Variants in ADARB1 observed in about 807,000 individuals in gnomAD.
ADARB1 encodes adenosine deaminase RNA specific B1, also known as double-stranded RNA-specific editase 1.
In ADARB1, 10 loss-of-function variants were observed where a neutral mutation model predicts 52.4. The ratio of observed to expected loss-of-function variants is 0.19; its 90% CI spans 0.12 to 0.32. ADARB1 has a LOEUF of 0.32. Among genes scored for constraint, ADARB1 ranks in the 10% least tolerant of loss-of-function variants. The pLI is 1.00. For synonymous variants in ADARB1, 349 were observed against 371.1 expected (o/e 0.94, Z 0.68); for missense variants, 643 against 922.3 (o/e 0.70, Z 3.92).
At chr21:45,168,902 G>A (rs28782181) in intron 2 of ADARB1, among the ~76,000 whole-genome samples, 47,692 of 152,078 alleles carry the variant, frequency 0.31, 7,994 homozygotes, top group Admixed American at 0.37. Flanking sequence ...CTGATTATAT[G>A]ATATTATGAG....
chr21:45,125,660 G>A (rs1398899757), intron 1 of ADARB1, among the ~76,000 whole-genome samples: 1 of 152,250 alleles, frequency 6.6e-6, no homozygotes, highest in Non-Finnish European at 1.5e-5. Flanking sequence ...GTGGCCATCA[G>A]GCCTTCCTGC....
intron 1 of ADARB1, among the ~76,000 whole-genome samples, chr21:45,113,163 G>A (rs2087623698): frequency 6.6e-6 from 1 of 152,120 alleles, no homozygotes; most frequent in Non-Finnish European, 1.5e-5. Context: ...GGTGGCTCAC[G>A]CCTGTAATTC....
intron 1 of ADARB1, among the ~76,000 whole-genome samples, chr21:45,082,206 C>G (rs2086181097): frequency 6.6e-6 from 1 of 152,194 alleles, no homozygotes; most frequent in African/African-American, 2.4e-5. Context: ...GTCTGCAAAG[C>G]AGTTGTCATC....
In ADARB1 at chr21:45,143,001, G is replaced by C. The variant is rs550172053; in HGVS notation, c.-48+14428G>C. Among the ~76,000 whole-genome samples the C allele has an allele frequency of 1.2e-4, 19 of 152,320 alleles. No homozygotes were observed. The South Asian group carries it at 3.9e-3, about 32-fold the overall frequency. On this transcript the variant is annotated intron_variant, in intron 2 of 10. Transcript: ENST00000348831. ...ATCTGCGATGCTTGTAAAACAAGTA[G>C]CAGCCGTGTCCAGCCTGCTGCTCTG...
rs147329493 is a variant in ADARB1 at position 45,224,403 on chromosome 21, G to A, written c.*2206G>A. ...GGTGGCACCTTTCCGGGGTGGACTC[G>A]TGCGGCCTTGAGGACAGGCACAGGG... On this transcript the variant is annotated 3_prime_UTR_variant, in exon 11 of 11. Transcript: ENST00000348831. 2.1e-5 allele frequency: 21 copies of A among 983,522 alleles called. No individual in the cohort carries two copies. Among genetic ancestry groups the A allele is most frequent in the African/African-American group, 1.2e-4 (7 of 56,604 alleles). 60.9% of individuals were successfully genotyped at this position (983,522 alleles called of 1,614,324 possible).
At position 45,215,413 on chromosome 21, in the gene ADARB1, TCAG is replaced by T. The variant is rs759386252; in HGVS notation, c.1748-5421_1748-5419del. Among the ~76,000 whole-genome samples the T allele has an allele frequency of 3.5e-4, 54 of 152,152 alleles. 1 individual carries two copies. Among genetic ancestry groups the T allele is most frequent in the Admixed American group, 1.4e-3 (21 of 15,282 alleles). On this transcript the variant is annotated intron_variant, in intron 9 of 10. Transcript: ENST00000348831. ...TTTTTTTTTTCTATTTATAGCTTACTCAGCGTTTTTAATCAAGAATGTATGCTG... is the reference window on the plus strand; with the variant it reads ...TTTTTTTTTTCTATTTATAGCTTACTCGTTTTTAATCAAGAATGTATGCTG...
At chr21:45,146,659 G>T (rs921652388) in intron 2 of ADARB1, among the ~76,000 whole-genome samples, 1 of 152,228 alleles carries the variant, frequency 6.6e-6, no homozygotes, top group African/African-American at 2.4e-5. Context: ...AGAGGGAGAA[G>T]GCAGAGAGTT....
At chr21:45,112,548 G>A (rs755508172) in intron 1 of ADARB1, among the ~76,000 whole-genome samples, 6 of 151,790 alleles carry the variant, frequency 4.0e-5, no homozygotes, top group Non-Finnish European at 8.8e-5. Flanking sequence ...GGTGAGATTC[G>A]GCTTCTGTTC....
intron 1 of ADARB1, among the ~76,000 whole-genome samples, chr21:45,119,543 G>C (rs557393477): frequency 6.6e-6 from 1 of 152,342 alleles, no homozygotes; most frequent in African/African-American, 2.4e-5. Context: ...AAGTTCTTAT[G>C]AGACGTGTTG....
chr21:45,098,515 A>G (rs900358065), intron 1 of ADARB1, among the ~76,000 whole-genome samples: 11 of 152,088 alleles, frequency 7.2e-5, no homozygotes, highest in African/African-American at 2.2e-4. Flanking sequence ...TTATGGAGGC[A>G]TCCTCTAGGT....
rs1214661326 is a variant in ADARB1, at chr21:45,172,043, A to C, written c.28+359A>C. 6.6e-6 allele frequency among the ~76,000 whole-genome samples: 1 copy of C among 152,140 alleles called. No homozygotes were observed. The highest frequency in any genetic ancestry group is 1.5e-5 in the Non-Finnish European group (1 of 68,020). On this transcript the variant is annotated intron_variant, in intron 3 of 10. Transcript: ENST00000348831. This position sits in a 1 kb window ranked among gnomAD's most constrained non-coding sequence, Gnocchi z 4.4. ...AAATCGAAGATAACGTCTGAGATTGATTTAAATACCCAGGCCTTTGCAATA... is the reference window on the plus strand; with the variant it reads ...AAATCGAAGATAACGTCTGAGATTGCTTTAAATACCCAGGCCTTTGCAATA...
intron 8 of ADARB1, among the ~76,000 whole-genome samples, chr21:45,198,081 T>G (rs1038661259): frequency 1.3e-5 from 2 of 152,036 alleles, no homozygotes; most frequent in Non-Finnish European, 2.9e-5. Context: ...CTTATATAAG[T>G]AAATGACAGA....
rs1050335500 is a variant in ADARB1, at chr21:45,134,442, G to T, written c.-48+5869G>T. Among the ~76,000 whole-genome samples, 8 of 152,062 alleles carry T rather than the reference G, an allele frequency of 5.3e-5. No homozygotes were observed. The East Asian group carries it at 1.4e-3, about 26-fold the overall frequency. On this transcript the variant is annotated intron_variant, in intron 2 of 10. Coordinates refer to ENST00000348831, the MANE Select transcript of ADARB1 (RefSeq NM_001112.4). ...GTGCGCCCGACGGGTGTGTGCGCCT[G>T]ACAGGAGTGTGTCTGACATGGGTGT...
intron 1 of ADARB1, among the ~76,000 whole-genome samples, chr21:45,116,399 CAG>C (rs1244990519): frequency 6.6e-6 from 1 of 152,246 alleles, no homozygotes; most frequent in African/African-American, 2.4e-5. Context: ...TATTTAGAAA[CAG>C]TATGCTTATT....
chr21:45,101,947 G>A (rs988420043), intron 1 of ADARB1, among the ~76,000 whole-genome samples: 12 of 152,186 alleles, frequency 7.9e-5, no homozygotes, highest in African/African-American at 2.9e-4. Context: ...GAGTGCAGTG[G>A]TAATCATGGT....
In ADARB1 at chr21:45,175,918, A is replaced by C; in HGVS notation, c.217A>C (p.Thr73Pro). ...SKYRLKKRRK[T>P]PGPVLPKNAL... is the part of the protein sequence containing the mutation. ...GTACCGCCTGAAGAAAAGGAGGAAAACACCAGGGCCCGTCCTCCCCAAGAA... is the reference window on the plus strand; with the variant it reads ...GTACCGCCTGAAGAAAAGGAGGAAACCACCAGGGCCCGTCCTCCCCAAGAA... The change falls in exon 4 of 11, where the codon ACA becomes CCA. Residue 73 changes from threonine to proline, a missense_variant. Around this residue, in one of 2 missense-constraint regions of ADARB1, gnomAD observed 380 missense variants for 446.5 expected, o/e 0.85. Coordinates refer to ENST00000348831, the MANE Select transcript of ADARB1 (RefSeq NM_001112.4). 1.2e-6 allele frequency: 2 copies of C among 1,609,622 alleles called. No homozygotes were observed. The highest frequency in any genetic ancestry group is 2.2e-5 in the South Asian group (2 of 90,592).
At position 45,223,590 on chromosome 21, in the gene ADARB1, G is replaced by A. The variant is rs2093003283; in HGVS notation, c.*1393G>A. The A allele has an allele frequency of 2.0e-6, 2 of 985,692 alleles. No homozygotes were observed. The highest frequency in any genetic ancestry group is 1.1e-4 in the East Asian group (1 of 8,824). The allele number at this position is 985,692 out of a possible 1,614,324, so 61.1% of individuals were successfully genotyped here. A position where few individuals can be genotyped will look rare whatever the true frequency, so the allele number is the denominator to read the frequency against. The stretch of plus-strand genomic sequence containing the variant: ...AGAGGGTGTTCAGGTGGGTCTCCTG[G>A]GGCCATGGGGAGAGATTGGTGCAGA... On this transcript the variant is annotated 3_prime_UTR_variant, in exon 11 of 11. Coordinates refer to ENST00000348831, the MANE Select transcript of ADARB1 (RefSeq NM_001112.4).
chr21:45,131,984 C>T lies in ADARB1; in HGVS notation c.-48+3411C>T, dbSNP rs150730507. Among the ~76,000 whole-genome samples, 231 of 152,260 alleles carry T rather than the reference C, an allele frequency of 1.5e-3. 2 individuals are homozygous for T. Among genetic ancestry groups the T allele is most frequent in the African/African-American group, 5.3e-3 (222 of 41,536 alleles). On this transcript the variant is annotated intron_variant, in intron 2 of 10. Transcript: ENST00000348831. ...GGATGGTCAGGCCAATGAGGGCCTT[C>T]GAATGAAGCACATTATTGTAAGGAT...
At chr21:45,113,479 ATGTGTGTGTGTGTATATATGTG>A in intron 1 of ADARB1, among the ~76,000 whole-genome samples, 2 of 139,790 alleles carry the variant, frequency 1.4e-5, no homozygotes, top group African/African-American at 5.4e-5. Flanking sequence ...ATATATATAT[ATGTGTGTGTGTGTATATATGTG>A]TGTGTGTGTG....
Sources: gnomAD v4.1 joint callset for allele counts (sites outside exome capture counted in the v4.1 genomes callset) on GRCh38, gnomAD v4.1.1 for gene constraint, gnomAD v4.1.1 regional missense constraint, Gnocchi (gnomAD v3.1) non-coding constraint, MANE v1.5 for transcripts, NCBI Gene and HGNC (gene_info 2026-07-23, HGNC 2026-07-21) for gene names.